Variants in MTMR3 observed in about 807,000 individuals in gnomAD.
The protein encoded by MTMR3 is phosphatidylinositol-3,5-bisphosphate 3-phosphatase MTMR3.
A neutral mutation model predicts 132.4 loss-of-function variants in MTMR3; 32 were observed. The ratio of observed to expected loss-of-function variants is 0.24; its 90% CI spans 0.18 to 0.32. The LOEUF is 0.32. Among genes scored for constraint, MTMR3 ranks in the 10% least tolerant of loss-of-function variants. MTMR3 has a pLI of 1.00. For synonymous variants in MTMR3, 556 were observed against 550.3 expected (o/e 1.01, Z -0.14); for missense variants, 1,216 against 1,489.6 (o/e 0.82, Z 3.02).
At chr22:29,942,497 G>A (rs2065876071) in intron 1 of MTMR3, among the ~76,000 whole-genome samples, 1 of 152,226 alleles carries the variant, frequency 6.6e-6, no homozygotes, top group East Asian at 1.9e-4. Context: ...GCAGACAACT[G>A]GTCTGACCAA....
chr22:29,935,224 T>C (rs1182243302), intron 1 of MTMR3, among the ~76,000 whole-genome samples: 1 of 152,234 alleles, frequency 6.6e-6, no homozygotes, highest in African/African-American at 2.4e-5. Flanking sequence ...GTGGTAGAGC[T>C]AATATGTATG....
intron 1 of MTMR3, among the ~76,000 whole-genome samples, chr22:29,894,537 TTGTG>T (rs2064858601): frequency 2.7e-4 from 38 of 140,652 alleles, no homozygotes; most frequent in Middle Eastern, 3.8e-3. Context: ...TGTGTGTGTG[TTGTG>T]GTATGTTTTA....
Position 30,020,548 on chromosome 22 carries a change from T to C in MTMR3, c.2889T>C (p.Ala963=), listed in dbSNP as rs1332815917. The part of the protein sequence containing the change: ...TPNGHCANGE[A]GRSKDSLSRQ... ...ATGGGCATTGCGCCAATGGGGAGGC[T>C]GGTAGGAGCAAGGACTCACTGAGCC... Residue 963 remains alanine (A), a synonymous_variant, in exon 17 of 20, where the codon GCT becomes GCC. Transcript: ENST00000401950. The C allele has an allele frequency of 5.0e-6, 8 of 1,614,046 alleles. No individual in the cohort carries two copies. Among genetic ancestry groups the C allele is most frequent in the Non-Finnish European group, 6.8e-6 (8 of 1,180,054 alleles).
At chr22:29,927,836 G>A (rs1342565428) in intron 1 of MTMR3, among the ~76,000 whole-genome samples, 3 of 151,474 alleles carry the variant, frequency 2.0e-5, no homozygotes, top group African/African-American at 7.3e-5. Flanking sequence ...GTGAAGAAAT[G>A]CTCCTTTTAA....
At chr22:30,021,042 C>A in intron 17 of MTMR3, 158 bp downstream of exon 17, 1 of 726,780 alleles carries the variant, frequency 1.4e-6, no homozygotes, top group Non-Finnish European at 2.2e-6. Flanking sequence ...TGAGCCTCCA[C>A]GACAGCGATG....
intron 6 of MTMR3, chr22:29,990,115 C>T (rs902168625): frequency 3.3e-5 from 5 of 152,284 alleles, no homozygotes; most frequent in African/African-American, 1.2e-4. Flanking sequence ...CGCCTGTAGT[C>T]CCAGCTACTT....
In MTMR3 at chr22:29,905,080, A is replaced by G. The variant is rs147976969; in HGVS notation, c.-138+21721A>G. 4.4e-3 allele frequency among the ~76,000 whole-genome samples: 677 copies of G among 152,232 alleles called. 6 individuals carry two copies. The highest frequency in any genetic ancestry group is 0.015 in the African/African-American group (639 of 41,522). ...GAATGGAGTAAGAAGCTTATCATAC[A>G]TTTTTCATTTTTAGTGGTTATACAG... On this transcript the variant is annotated intron_variant, in intron 1 of 19. Coordinates refer to ENST00000401950, the MANE Select transcript of MTMR3 (RefSeq NM_021090.4).
chr22:30,012,618 C>G (rs2067460847), intron 13 of MTMR3, 55 bp downstream of exon 13: 1 of 1,497,090 alleles, frequency 6.7e-7, no homozygotes, highest in Non-Finnish European at 9.0e-7. Context: ...AGGGAAACGT[C>G]TCAGGAGTGA....
intron 1 of MTMR3, among the ~76,000 whole-genome samples, chr22:29,892,060 G>A (rs1249307764): frequency 1.3e-5 from 2 of 151,930 alleles, no homozygotes; most frequent in Non-Finnish European, 2.9e-5. Context: ...GGCTGAGGAA[G>A]GATAATCTCT....
intron 2 of MTMR3, among the ~76,000 whole-genome samples, chr22:29,967,417 A>G (rs1051443005): frequency 6.7e-6 from 1 of 150,060 alleles, no homozygotes; most frequent in African/African-American, 2.5e-5. Context: ...TTTTTTCAGT[A>G]GAGACAGTCT....
At position 29,922,316 on chromosome 22, in the gene MTMR3, G is replaced by A. The variant is rs73162741; in HGVS notation, c.-137-34720G>A. On this transcript the variant is annotated intron_variant, in intron 1 of 19. Transcript: ENST00000401950. Reference sequence around the variant, plus strand: ...TTACAACTGTGAGCCACCACGCCCGGCCTGTATCATGTCTTTTAAAGACTG... The same window carrying A: ...TTACAACTGTGAGCCACCACGCCCGACCTGTATCATGTCTTTTAAAGACTG... Among the ~76,000 whole-genome samples, 489 of 152,232 alleles carry A rather than the reference G, an allele frequency of 3.2e-3. 2 individuals are homozygous for A. The highest frequency in any genetic ancestry group is 4.8e-3 in the Non-Finnish European group (324 of 68,004).
rs371788373 is a variant in MTMR3 at position 30,019,706 on chromosome 22, G to A, written c.2047G>A (p.Gly683Arg). The change falls in exon 17 of 20, where the codon GGA (glycine) becomes AGA (arginine). Residue 683 changes from glycine to arginine, a missense_variant. Gly to Arg is a moderately radical substitution (Grantham distance 125). This residue lies in a region of MTMR3 where 852 missense variants were observed against 852.0 expected (regional missense o/e 1.00). Transcript: ENST00000401950. ...GGGTGCCGAGCTTTCTGTTGCAGCC[G>A]GAGTAGCTGAGGGGCAGATGGAGAA... ...PGGAELSVAA[G>R]VAEGQMENIL... 52 of 1,614,104 alleles carry A rather than the reference G, an allele frequency of 3.2e-5. No homozygotes were observed. The highest frequency in any genetic ancestry group is 2.4e-4 in the South Asian group (22 of 91,084).
chr22:29,976,124 T>G (rs1242188093), intron 3 of MTMR3, among the ~76,000 whole-genome samples: 1 of 151,524 alleles, frequency 6.6e-6, no homozygotes, highest in Non-Finnish European at 1.5e-5. Context: ...GTGTGTGTTT[T>G]TTTTTTTTTT....
intron 2 of MTMR3, among the ~76,000 whole-genome samples, chr22:29,957,943 C>G (rs2066232743): frequency 6.6e-6 from 1 of 151,938 alleles, no homozygotes; most frequent in Non-Finnish European, 1.5e-5. Flanking sequence ...GTCACTGTTT[C>G]TAATTTATAA....
Position 29,978,460 on chromosome 22 carries a change from AGCC to A in MTMR3, c.23_25del (p.Ser8_Leu9delinsIle). 1 of 1,612,840 alleles carries A rather than the reference AGCC, an allele frequency of 6.2e-7. No individual in the cohort carries two copies. The highest frequency in any genetic ancestry group is 1.1e-5 in the South Asian group (1 of 90,980). ...TTTCCAGGATGAAGAGACTCGGCAC[AGCC>A]TTGAGTGCATCCAGGCCAATCAGAT... On this transcript the variant is annotated inframe_deletion, in exon 4 of 20. Coordinates refer to ENST00000401950, the MANE Select transcript of MTMR3 (RefSeq NM_021090.4).
rs1379053461 is a variant in MTMR3 at position 30,027,730 on chromosome 22, A to C, written c.*1929A>C. On this transcript the variant is annotated 3_prime_UTR_variant, in exon 20 of 20. Coordinates refer to ENST00000401950, the MANE Select transcript of MTMR3 (RefSeq NM_021090.4). ...GTAACTCTCCATAGCTGTACATATA[A>C]CCCTTTTCTCCTAAAGAGGAGTCAG... 2.0e-5 allele frequency: 3 copies of C among 152,680 alleles called. No homozygotes were observed. The highest frequency in any genetic ancestry group is 6.5e-5 in the Admixed American group (1 of 15,270). 9.5% of individuals were successfully genotyped at this position (152,680 alleles called of 1,614,324 possible).
chr22:29,937,281 C>A (rs914315006), intron 1 of MTMR3, among the ~76,000 whole-genome samples: 1 of 152,178 alleles, frequency 6.6e-6, no homozygotes, highest in Admixed American at 6.5e-5. Context: ...GATACCAAGA[C>A]ATTCTCTTCT....
At chr22:29,947,519 A>C (rs1207692973) in intron 1 of MTMR3, among the ~76,000 whole-genome samples, 1 of 151,836 alleles carries the variant, frequency 6.6e-6, no homozygotes, top group African/African-American at 2.4e-5. Flanking sequence ...AAAAAACAAA[A>C]AACCCTGCCT....
intron 1 of MTMR3, among the ~76,000 whole-genome samples, chr22:29,951,158 A>T (rs983715370): frequency 2.0e-5 from 3 of 152,122 alleles, no homozygotes; most frequent in Non-Finnish European, 4.4e-5. Context: ...TCAAAAAAAA[A>T]GTATAAAGTG....
Sources: gnomAD v4.1 joint callset for allele counts (sites outside exome capture counted in the v4.1 genomes callset) on GRCh38, gnomAD v4.1.1 for gene constraint, gnomAD v4.1.1 regional missense constraint, MANE v1.5 for transcripts, NCBI Gene and HGNC (gene_info 2026-07-23, HGNC 2026-07-21) for gene names.